TTC28: variants seen among roughly 807,000 people sequenced by gnomAD.
TTC28 encodes the protein tetratricopeptide repeat domain 28.
A neutral mutation model predicts 198.0 loss-of-function variants in TTC28; 61 were observed. The observed-to-expected ratio is 0.31, with a 90% CI of 0.25 to 0.38. The LOEUF is 0.38. TTC28 is among the 10% of genes least tolerant of loss of function. The pLI is 1.00. For missense variants in TTC28, 2,678 were observed against 3,164.0 expected, an observed-to-expected ratio of 0.85 and a Z score of 3.69; for synonymous variants, 1,171 against 1,297.8, an observed-to-expected ratio of 0.90 and a Z score of 2.10.
chr22:28,046,436 T>A (rs114375972), intron 12 of TTC28, among the ~76,000 whole-genome samples: 1 of 152,216 alleles, frequency 6.6e-6, no homozygotes, highest in African/African-American at 2.4e-5. Context: ...TGTAACACAA[T>A]GTTAAGTATT....
At chr22:28,573,349 G>T (rs893135681) in intron 2 of TTC28, among the ~76,000 whole-genome samples, 1 of 151,726 alleles carries the variant, frequency 6.6e-6, no homozygotes, top group Non-Finnish European at 1.5e-5. Context: ...GCTACTCGGG[G>T]AGGCTGAGGC....
intron 5 of TTC28, among the ~76,000 whole-genome samples, chr22:28,202,257 C>T (rs921954790): frequency 1.3e-5 from 2 of 152,056 alleles, no homozygotes; most frequent in Non-Finnish European, 2.9e-5. Context: ...AGAAACAAGG[C>T]CGGGTGCAGT....
chr22:28,002,680 T>A (rs903630950), intron 14 of TTC28: 1 of 152,166 alleles, frequency 6.6e-6, no homozygotes, highest in Admixed American at 6.5e-5. Flanking sequence ...ATTAGGCCAA[T>A]TTGTTTTTCA....
chr22:28,031,656 A>G (rs1037257666), intron 12 of TTC28, among the ~76,000 whole-genome samples: 3 of 152,208 alleles, frequency 2.0e-5, no homozygotes, highest in African/African-American at 7.2e-5. Context: ...CAAATGAGAC[A>G]TGGCAGGTAA....
intron 5 of TTC28, among the ~76,000 whole-genome samples, chr22:28,227,428 G>T (rs1298500469): frequency 6.6e-6 from 1 of 152,022 alleles, no homozygotes; most frequent in Non-Finnish European, 1.5e-5. Context: ...TGTATCGAAG[G>T]TCACTACCAA....
intron 12 of TTC28, among the ~76,000 whole-genome samples, chr22:28,077,474 G>T (rs1383001916): frequency 6.6e-6 from 1 of 152,122 alleles, no homozygotes; most frequent in Non-Finnish European, 1.5e-5. Flanking sequence ...ACTTCCGATG[G>T]TCATGACAAG....
chr22:28,198,418 G>A (rs897237035), intron 5 of TTC28, among the ~76,000 whole-genome samples: 30 of 152,020 alleles, frequency 2.0e-4, no homozygotes, highest in African/African-American at 7.0e-4. Context: ...TTGCAGAAAA[G>A]TTGTCACATT....
At chr22:28,570,354 C>T (rs898315460) in intron 2 of TTC28, among the ~76,000 whole-genome samples, 1 of 152,186 alleles carries the variant, frequency 6.6e-6, no homozygotes, top group African/African-American at 2.4e-5. Flanking sequence ...AAATTCCATA[C>T]ACCATGGTAT....
chr22:27,988,812 C>T (rs1296445827), intron 21 of TTC28, among the ~76,000 whole-genome samples: 1 of 152,184 alleles, frequency 6.6e-6, no homozygotes, highest in African/African-American at 2.4e-5. Context: ...TGCAAACATC[C>T]CAGTCTCTGT....
chr22:28,001,308 CA>C, intron 15 of TTC28, 65 bp downstream of exon 15: 1 of 1,504,188 alleles, frequency 6.6e-7, no homozygotes, highest in African/African-American at 1.4e-5. Flanking sequence ...CCAGTCCGAC[CA>C]GATAGACGGT....
chr22:28,243,615 C>T (rs1015091018), intron 5 of TTC28, among the ~76,000 whole-genome samples: 4 of 151,926 alleles, frequency 2.6e-5, no homozygotes, highest in Non-Finnish European at 2.9e-5. Context: ...GGCCCAGCAG[C>T]GAAATTCTTA....
intron 2 of TTC28, among the ~76,000 whole-genome samples, chr22:28,388,367 T>C (rs1413866192): frequency 6.6e-6 from 1 of 152,208 alleles, no homozygotes; most frequent in African/African-American, 2.4e-5. Context: ...AGTAGTTTTT[T>C]CCAATTCTGT....
intron 2 of TTC28, among the ~76,000 whole-genome samples, chr22:28,517,937 T>G (rs1372394612): frequency 6.6e-6 from 1 of 152,086 alleles, no homozygotes; most frequent in Non-Finnish European, 1.5e-5. Flanking sequence ...AAATTTTTAT[T>G]TTATTTATTG....
intron 2 of TTC28, among the ~76,000 whole-genome samples, chr22:28,391,324 A>C (rs1052263317): frequency 4.0e-5 from 6 of 151,894 alleles, no homozygotes; most frequent in African/African-American, 9.7e-5. Flanking sequence ...TGTGTCTTGG[A>C]GTTGCTCTTC....
chr22:28,648,186 T>C (rs766309030), intron 1 of TTC28, among the ~76,000 whole-genome samples: 1 of 143,078 alleles, frequency 7.0e-6, no homozygotes, highest in Non-Finnish European at 1.5e-5. Flanking sequence ...ATCGTGCTAC[T>C]GCACTCCAGC....
intron 2 of TTC28, among the ~76,000 whole-genome samples, chr22:28,348,352 A>G (rs553673596): frequency 1.3e-5 from 2 of 152,316 alleles, no homozygotes; most frequent in South Asian, 4.1e-4. Flanking sequence ...GCTGCTATCC[A>G]GGACTCCCTG....
At chr22:28,586,052 G>A (rs1310697226) in intron 2 of TTC28, among the ~76,000 whole-genome samples, 10 of 151,724 alleles carry the variant, frequency 6.6e-5, no homozygotes, top group South Asian at 2.1e-4. Flanking sequence ...AGGCTGAGGC[G>A]GTCAAATCAC....
At chr22:28,042,876 T>C (rs946663658) in intron 12 of TTC28, among the ~76,000 whole-genome samples, 4 of 151,474 alleles carry the variant, frequency 2.6e-5, no homozygotes, top group Admixed American at 2.6e-4. Flanking sequence ...AGGCTACACG[T>C]TGGGGATGAG....
At chr22:28,332,350 T>A (rs1224308403) in intron 2 of TTC28, among the ~76,000 whole-genome samples, 1 of 151,962 alleles carries the variant, frequency 6.6e-6, no homozygotes, top group Non-Finnish European at 1.5e-5. Flanking sequence ...GTGACCATAA[T>A]GAAATGAAAA....
Sources: gnomAD v4.1 joint callset for allele counts (sites outside exome capture counted in the v4.1 genomes callset) on GRCh38, gnomAD v4.1.1 for gene constraint, MANE v1.5 for transcripts, NCBI Gene and HGNC (gene_info 2026-07-23, HGNC 2026-07-21) for gene names.